PGR: variants seen among roughly 807,000 people sequenced by gnomAD.
PGR encodes progesterone receptor.
A neutral mutation model predicts 76.1 loss-of-function variants in PGR; 25 were observed. That is an observed-to-expected ratio of 0.33 (90% CI 0.24 to 0.46). PGR has a LOEUF of 0.46. PGR is among the 20% of genes least tolerant of loss of function. PGR has a pLI of 1.00. For synonymous variants in PGR, 579 were observed against 535.0 expected (o/e 1.08, Z -1.14); for missense variants, 1,172 against 1,225.3 (o/e 0.96, Z 0.65).
chr11:101,082,147 G>A (rs934272749), intron 3 of PGR, among the ~76,000 whole-genome samples: 1 of 151,990 alleles, frequency 6.6e-6, no homozygotes, highest in Non-Finnish European at 1.5e-5. Flanking sequence ...TCTCTCTGCT[G>A]CTCTGCCCTG....
chr11:101,042,766 T>C (rs936249988), intron 6 of PGR, among the ~76,000 whole-genome samples: 1 of 152,190 alleles, frequency 6.6e-6, no homozygotes, highest in Admixed American at 6.6e-5. Context: ...ACAAAGTGAA[T>C]CACATGCATC....
At chr11:101,040,313 T>C (rs1015734850) in intron 7 of PGR, among the ~76,000 whole-genome samples, 1 of 152,014 alleles carries the variant, frequency 6.6e-6, no homozygotes, top group Non-Finnish European at 1.5e-5. Context: ...ACTGCTCCCA[T>C]CTAGACTAAC....
intron 2 of PGR, among the ~76,000 whole-genome samples, chr11:101,098,820 T>C (rs918691590): frequency 2.6e-5 from 4 of 152,204 alleles, no homozygotes; most frequent in African/African-American, 9.7e-5. Flanking sequence ...AAAGACTGCC[T>C]TAGCAATGAA....
At chr11:101,112,079 G>A (rs561947040) in intron 2 of PGR, among the ~76,000 whole-genome samples, 36 of 152,292 alleles carry the variant, frequency 2.4e-4, no homozygotes, top group African/African-American at 6.7e-4. Flanking sequence ...CAAGTAACAT[G>A]GGACTGACAA....
intron 3 of PGR, among the ~76,000 whole-genome samples, chr11:101,083,977 G>C (rs1861404948): frequency 6.6e-6 from 1 of 152,250 alleles, no homozygotes; most frequent in South Asian, 2.1e-4. Flanking sequence ...GAATGATATG[G>C]TTTGGCTCTG....
rs1291604547 is a variant in PGR, at chr11:101,128,278, C to CG, written c.792dup (p.Val265ArgfsTer114). 6.3e-7 allele frequency: 1 copy of CG among 1,591,302 alleles called. No individual in the cohort carries two copies. Among genetic ancestry groups the CG allele is most frequent in the East Asian group, 2.3e-5 (1 of 44,338 alleles). ...GAATCTTCCTTGGGGACCAGGGCGA[C>CG]GCCTCCTGCTGCCGCCCCCGGCGGG... On this transcript the variant is annotated frameshift_variant, in exon 1 of 8. Transcript: ENST00000325455. LOFTEE classifies it high-confidence loss of function.
chr11:101,127,944 A>G lies in PGR; in HGVS notation c.1127T>C (p.Leu376Pro). 1 of 1,611,098 alleles carries G rather than the reference A, an allele frequency of 6.2e-7. No homozygotes were observed. Among genetic ancestry groups the G allele is most frequent in the Non-Finnish European group, 8.5e-7 (1 of 1,179,608 alleles). The change falls in exon 1 of 8, where the codon CTC becomes CCC. Residue 376 changes from leucine (L) to proline (P), a missense_variant. Leu to Pro is a moderately conservative substitution (Grantham distance 98). Coordinates refer to ENST00000325455, the MANE Select transcript of PGR (RefSeq NM_000926.4). ...AGCGGGCGGCTGGAAGTCGCTATAG[A>G]GAGGGTACGCGTCGTCCTTGGGCTC... ...DAEPKDDAYP[L>P]YSDFQPPALK...
At chr11:101,066,310 C>T (rs1262164487) in intron 3 of PGR, among the ~76,000 whole-genome samples, 3 of 152,244 alleles carry the variant, frequency 2.0e-5, no homozygotes, top group Admixed American at 6.5e-5. Flanking sequence ...ACACATTGAT[C>T]GTTTCCTTCT....
At chr11:101,080,917 C>A (rs764540198) in intron 3 of PGR, among the ~76,000 whole-genome samples, 1 of 151,848 alleles carries the variant, frequency 6.6e-6, no homozygotes, top group Non-Finnish European at 1.5e-5. Flanking sequence ...CTAACCCAAT[C>A]TGATAAAAAT....
At chr11:101,082,931 G>T (rs1276932856) in intron 3 of PGR, among the ~76,000 whole-genome samples, 1 of 152,210 alleles carries the variant, frequency 6.6e-6, no homozygotes, top group Admixed American at 6.5e-5. Context: ...TAGTAAAGAG[G>T]AGTCAAATGT....
intron 3 of PGR, among the ~76,000 whole-genome samples, chr11:101,072,081 A>AG (rs144791206): frequency 0.73 from 110,870 of 151,924 alleles, 40,811 homozygotes; most frequent in East Asian, 0.99. Flanking sequence ...CCAAAGAGAA[A>AG]GTCGGGTTAC....
intron 6 of PGR, among the ~76,000 whole-genome samples, chr11:101,048,787 A>G (rs558130103): frequency 5.7e-4 from 86 of 152,212 alleles, no homozygotes; most frequent in Non-Finnish European, 9.9e-4. Context: ...AAATATTTTT[A>G]TTTCTTTTAT....
At chr11:101,079,019 T>A (rs913408042) in intron 3 of PGR, among the ~76,000 whole-genome samples, 6 of 152,092 alleles carry the variant, frequency 3.9e-5, no homozygotes, top group Admixed American at 6.6e-5. Context: ...GTGCCATGGA[T>A]ATACATTGGG....
At chr11:101,095,296 T>C (rs1405822810) in intron 2 of PGR, among the ~76,000 whole-genome samples, 1 of 152,250 alleles carries the variant, frequency 6.6e-6, no homozygotes, top group Non-Finnish European at 1.5e-5. Context: ...GCCATCTTAA[T>C]TGCTGACACT....
intron 2 of PGR, among the ~76,000 whole-genome samples, chr11:101,115,845 C>A (rs901695489): frequency 2.6e-5 from 4 of 152,138 alleles, no homozygotes; most frequent in Non-Finnish European, 4.4e-5. Flanking sequence ...AAAAAGCCAG[C>A]AGGCACCACT....
intron 3 of PGR, among the ~76,000 whole-genome samples, chr11:101,066,121 G>A (rs752951372): frequency 1.6e-4 from 25 of 151,994 alleles, no homozygotes; most frequent in African/African-American, 5.1e-4. Context: ...AATGTATTCC[G>A]TGGAGAAATA....
chr11:101,061,680 A>T (rs555542934), intron 4 of PGR, among the ~76,000 whole-genome samples: 8 of 152,212 alleles, frequency 5.3e-5, no homozygotes, highest in Non-Finnish European at 1.0e-4. Context: ...ATTTCTAATT[A>T]TAGGAGTAAT....
At chr11:101,119,855 G>A (rs1219279573) in intron 2 of PGR, among the ~76,000 whole-genome samples, 3 of 152,148 alleles carry the variant, frequency 2.0e-5, no homozygotes, top group Admixed American at 6.6e-5. Context: ...CAGCACAGAA[G>A]CAGGAATTTA....
Position 101,127,486 on chromosome 11 carries a change from C to G in PGR, c.1585G>C (p.Val529Leu), listed in dbSNP as rs11571151. The change falls in exon 1 of 8, where the codon GTG becomes CTG. Residue 529 changes from valine to leucine, a missense_variant. By Grantham distance (32) the Val-to-Leu change is conservative. This residue lies in a region of PGR where 893 missense variants were observed against 785.9 expected (regional missense o/e 1.14). Coordinates refer to ENST00000325455, the MANE Select transcript of PGR (RefSeq NM_000926.4). ...ACCTGCGGCAGGCCCTCCTTGAGCA[C>G]GGCGGCCTGGTAGCCGAGCTGCGGG... ...GLPQLGYQAAVLKEGLPQVYP... is the reference protein window; with the variant it reads ...GLPQLGYQAALLKEGLPQVYP... 8 of 1,556,508 alleles carry G rather than the reference C, an allele frequency of 5.1e-6. No individual in the cohort carries two copies. Among genetic ancestry groups the G allele is most frequent in the South Asian group, 4.7e-5 (4 of 84,736 alleles).
Sources: allele counts gnomAD v4.1 joint callset (sites outside exome capture counted in the v4.1 genomes callset), GRCh38; gene constraint gnomAD v4.1.1; regional missense constraint gnomAD v4.1.1; transcripts MANE v1.5; gene names NCBI Gene and HGNC (gene_info 2026-07-23, HGNC 2026-07-21).